AHNAK: variants seen among roughly 807,000 people sequenced by gnomAD.
AHNAK encodes neuroblast differentiation-associated protein AHNAK.
A neutral mutation model predicts 37.8 loss-of-function variants in AHNAK; 23 were observed. The ratio of observed to expected loss-of-function variants is 0.61; its 90% CI spans 0.44 to 0.86. The LOEUF (loss-of-function observed/expected upper bound fraction) is 0.86, where lower values mean the gene tolerates loss of function less well. Among genes scored for constraint, AHNAK ranks in the 40% least tolerant of loss-of-function variants. The pLI is 0.00. For missense variants in AHNAK, 7,411 were observed against 7,319.4 expected, an observed-to-expected ratio of 1.01 and a Z score of -0.46; for synonymous variants, 2,481 against 2,636.3, an observed-to-expected ratio of 0.94 and a Z score of 1.80.
chr11:62,531,711 G>A lies in AHNAK; in HGVS notation c.2706C>T (p.Pro902=). ...AEGPEVDVNL[P]KADVDISGPK... ...GTCCTGAGATGTCCACATCAGCCTT[G>A]GGCAGGTTCACATCCACTTCTGGGC... Residue 902 remains proline, a synonymous_variant, in exon 5 of 5, where the codon CCC becomes CCT. Coordinates refer to ENST00000378024, the MANE Select transcript of AHNAK (RefSeq NM_001620.3). 1 of 1,614,086 alleles carries A rather than the reference G, an allele frequency of 6.2e-7. No homozygotes were observed. The highest frequency in any genetic ancestry group is 8.5e-7 in the Non-Finnish European group (1 of 1,180,026).
intron 5 of AHNAK, among the ~76,000 whole-genome samples, chr11:62,486,740 A>G (rs148927429): frequency 1.6e-5 from 2 of 123,000 alleles, no homozygotes; most frequent in African/African-American, 3.2e-5. Context: ...ATTTTATGTT[A>G]TGTCTATTTT....
Position 62,524,541 on chromosome 11 carries a change from C to CAAT in AHNAK, c.9875_9876insATT (p.Lys3292_Ile3293insLeu). The stretch of plus-strand genomic sequence containing the variant: ...TCAAGTCAATTTCTGGCATGGAGAT[C>CAAT]TTGGGCATGTTTACATGCATGTCAG... On this transcript the variant is annotated inframe_insertion, in exon 5 of 5. Coordinates refer to ENST00000378024, the MANE Select transcript of AHNAK (RefSeq NM_001620.3). 1 of 1,614,156 alleles carries CAAT rather than the reference C, an allele frequency of 6.2e-7. No homozygotes were observed. The highest frequency in any genetic ancestry group is 8.5e-7 in the Non-Finnish European group (1 of 1,180,028).
rs986097754 is a variant in AHNAK at position 62,516,182 on chromosome 11, CT to C, written c.*561del. 27 of 1,289,092 alleles carry C rather than the reference CT, an allele frequency of 2.1e-5. No homozygotes were observed. The African/African-American group carries it at 4.0e-4, about 19-fold the overall frequency. The allele number at this position is 1,289,092 out of a possible 1,614,324, so 79.9% of individuals were successfully genotyped here. The stretch of plus-strand genomic sequence containing the variant: ...ACCAAACTGGCTGGGACCACCACCC[CT>C]GGGTGAAAGAAACAACACTAAAGAA... On this transcript the variant is annotated 3_prime_UTR_variant, in exon 5 of 5. Coordinates refer to ENST00000378024, the MANE Select transcript of AHNAK (RefSeq NM_001620.3).
At chr11:62,534,175 G>A in intron 4 of AHNAK, 101 bp from the exon 5 acceptor site, 1 of 1,307,426 alleles carries the variant, frequency 7.6e-7, no homozygotes, top group South Asian at 1.5e-5. Context: ...GTTTCCCAGA[G>A]AAGCTGGGAC....
At chr11:62,483,679 A>G (rs1293645748) in intron 5 of AHNAK, among the ~76,000 whole-genome samples, 2 of 151,758 alleles carry the variant, frequency 1.3e-5, no homozygotes, top group African/African-American at 4.8e-5. Flanking sequence ...TAACACGGTG[A>G]AACCCTGTCT....
chr11:62,516,582 A>G lies in AHNAK; in HGVS notation c.*162T>C. ...CCTATCTGTATAGTTCCAGGAGCCT[A>G]CAGGCGGTCGGTTTTTCAGCGCTTG... On this transcript the variant is annotated 3_prime_UTR_variant, in exon 5 of 5. Transcript: ENST00000378024. 1 of 1,469,178 alleles carries G rather than the reference A, an allele frequency of 6.8e-7. No homozygotes were observed. The highest frequency in any genetic ancestry group is 8.9e-7 in the Non-Finnish European group (1 of 1,121,486). 91.0% of individuals were successfully genotyped at this position (1,469,178 alleles called of 1,614,324 possible).
chr11:62,485,384 C>T (rs1939369387), intron 5 of AHNAK, among the ~76,000 whole-genome samples: 1 of 151,706 alleles, frequency 6.6e-6, no homozygotes, highest in Non-Finnish European at 1.5e-5. Flanking sequence ...AGAGTGAGAC[C>T]CTGTCAAAAA....
chr11:62,480,123 C>T (rs905635050), intron 5 of AHNAK, among the ~76,000 whole-genome samples: 1 of 152,198 alleles, frequency 6.6e-6, no homozygotes, highest in Non-Finnish European at 1.5e-5. Context: ...CCCTGCTCCC[C>T]TGCCTGTGCC....
At chr11:62,441,884 C>G (rs1403412008) in intron 5 of AHNAK, among the ~76,000 whole-genome samples, 1 of 152,164 alleles carries the variant, frequency 6.6e-6, no homozygotes, top group Non-Finnish European at 1.5e-5. Flanking sequence ...CAGCCACTGT[C>G]GTCCTCCCCT....
chr11:62,463,596 A>C (rs1938837705), intron 5 of AHNAK, among the ~76,000 whole-genome samples: 1 of 151,746 alleles, frequency 6.6e-6, no homozygotes, highest in Non-Finnish European at 1.5e-5. Flanking sequence ...CCATTTCCCT[A>C]CATCCCACTG....
Position 62,528,351 on chromosome 11 carries a change from A to T in AHNAK, c.6066T>A (p.Asp2022Glu), listed in dbSNP as rs1260264466. Reference sequence around the variant, plus strand: ...CCATTTTGGGTCCTTTGATGTCAACATCTGGCACTTTCATTTCACCTTCTA... The same window carrying T: ...CCATTTTGGGTCCTTTGATGTCAACTTCTGGCACTTTCATTTCACCTTCTA... The part of the protein sequence containing the change: ...PKVEGEMKVP[D>E]VDIKGPKMDI... The change falls in exon 5 of 5, where the codon GAT (aspartate) becomes GAA (glutamate). Residue 2022 changes from aspartate (D) to glutamate (E), a missense_variant. Coordinates refer to ENST00000378024, the MANE Select transcript of AHNAK (RefSeq NM_001620.3). The T allele has an allele frequency of 6.2e-7, 1 of 1,613,640 alleles. No individual in the cohort carries two copies. The highest frequency in any genetic ancestry group is 8.5e-7 in the Non-Finnish European group (1 of 1,179,980).
In AHNAK at chr11:62,522,372, C is replaced by T; in HGVS notation, c.12045G>A (p.Val4015=). 6.2e-7 allele frequency: 1 copy of T among 1,614,024 alleles called. No individual in the cohort carries two copies. Among genetic ancestry groups the T allele is most frequent in the Non-Finnish European group, 8.5e-7 (1 of 1,180,006 alleles). The part of the protein sequence containing the change: ...DFDLHLKGPK[V]KGDVDVSLPK... Reference sequence around the variant, plus strand: ...GCAGAGAAACATCCACATCTCCTTTCACCTTAGGGCCTTTCAGATGCAAAT... The same window carrying T: ...GCAGAGAAACATCCACATCTCCTTTTACCTTAGGGCCTTTCAGATGCAAAT... Residue 4015 remains valine, a synonymous_variant, in exon 5 of 5, where the codon GTG becomes GTA. Transcript: ENST00000378024.
In AHNAK at chr11:62,522,036, C is replaced by T. The variant is rs141008505; in HGVS notation, c.12381G>A (p.Pro4127=). The change falls in exon 5 of 5, where the codon CCG becomes CCA. Residue 4127 remains proline (P), a synonymous_variant. Coordinates refer to ENST00000378024, the MANE Select transcript of AHNAK (RefSeq NM_001620.3). ...GGTCAACTTCAGGCATAGAGATCTT[C>T]GGTGCCTTGAGGTGCAGGTCAGGCA... The part of the protein sequence containing the change: ...FKMPDLHLKA[P]KISMPEVDLN... 2,632 of 1,613,916 alleles carry T rather than the reference C, an allele frequency of 1.6e-3. 44 individuals carry two copies. In the African/African-American group the frequency reaches 0.03, roughly 19 times the overall value.
chr11:62,442,651 A>T (rs1938332108), intron 5 of AHNAK, among the ~76,000 whole-genome samples: 1 of 152,084 alleles, frequency 6.6e-6, no homozygotes, highest in Admixed American at 6.6e-5. Flanking sequence ...CAGGCGGATC[A>T]CCTGAGGTCA....
At chr11:62,542,882 T>C (rs1213364473) in intron 1 of AHNAK, among the ~76,000 whole-genome samples, 1 of 152,200 alleles carries the variant, frequency 6.6e-6, no homozygotes, top group Non-Finnish European at 1.5e-5. Context: ...GTTTGGAAGC[T>C]GCCTGTCTGC....
Position 62,518,658 on chromosome 11 carries a change from G to A in AHNAK, c.15759C>T (p.Ala5253=), listed in dbSNP as rs765430938. The part of the protein sequence containing the change: ...IPGVKMEGGG[A]EVHAQLPSLE... ...GAGAGGGTAGCTGGGCATGGACCTCGGCTCCCCCACCCTCCATTTTCACAC... is the reference window on the plus strand; with the variant it reads ...GAGAGGGTAGCTGGGCATGGACCTCAGCTCCCCCACCCTCCATTTTCACAC... Residue 5253 remains alanine, a synonymous_variant, in exon 5 of 5, where the codon GCC becomes GCT. Coordinates refer to ENST00000378024, the MANE Select transcript of AHNAK (RefSeq NM_001620.3). 2.8e-5 allele frequency: 45 copies of A among 1,613,996 alleles called. No individual in the cohort carries two copies. Among genetic ancestry groups the A allele is most frequent in the East Asian group, 2.2e-4 (10 of 44,894 alleles).
chr11:62,466,582 T>A (rs571553453), intron 5 of AHNAK, among the ~76,000 whole-genome samples: 2 of 152,136 alleles, frequency 1.3e-5, no homozygotes, highest in East Asian at 3.9e-4. Context: ...TCATCCTTGA[T>A]TTGTCTCTCA....
chr11:62,434,086 G>T (rs1338755713), intron 5 of AHNAK, among the ~76,000 whole-genome samples: 7 of 152,098 alleles, frequency 4.6e-5, no homozygotes, highest in Non-Finnish European at 8.8e-5. Flanking sequence ...TTTTGGTCTT[G>T]CCACGCCTCC....
intron 4 of AHNAK, among the ~76,000 whole-genome samples, chr11:62,502,481 G>A (rs1313032456): frequency 1.3e-5 from 2 of 152,194 alleles, no homozygotes; most frequent in African/African-American, 2.4e-5. Context: ...GGAAGTGTAT[G>A]AAGTGATCGG....
Sources: allele counts gnomAD v4.1 joint callset (sites outside exome capture counted in the v4.1 genomes callset), GRCh38; gene constraint gnomAD v4.1.1; transcripts MANE v1.5; gene names NCBI Gene and HGNC (gene_info 2026-07-23, HGNC 2026-07-21).